The following MARK3 variants were observed in gnomAD, a reference collection of about 807,000 sequenced individuals.
The protein encoded by MARK3 is MAP/microtubule affinity-regulating kinase 3.
Under a neutral mutation model 90.1 loss-of-function variants are expected in MARK3, and 46 were observed. That is an observed-to-expected ratio of 0.51 (90% CI 0.40 to 0.65). The LOEUF (loss-of-function observed/expected upper bound fraction) is 0.65, where lower values mean the gene tolerates loss of function less well. Among genes scored for constraint, MARK3 ranks in the 30% least tolerant of loss-of-function variants. MARK3 has a pLI of 0.00. For synonymous variants in MARK3, 321 were observed against 332.6 expected, an observed-to-expected ratio of 0.97 and a Z score of 0.38; for missense variants, 818 against 947.2, an observed-to-expected ratio of 0.86 and a Z score of 1.79.
intron 1 of MARK3, among the ~76,000 whole-genome samples, chr14:103,397,377 A>T (rs2090647599): frequency 6.9e-6 from 1 of 144,086 alleles, no homozygotes; most frequent in South Asian, 2.2e-4. Context: ...CCCAGACTGG[A>T]GTGCAGTGGT....
chr14:103,427,360 G>A (rs1051087724), intron 2 of MARK3, among the ~76,000 whole-genome samples: 13 of 151,490 alleles, frequency 8.6e-5, no homozygotes, highest in African/African-American at 1.2e-4. Context: ...TTAGCCAGTC[G>A]TGGTGGTGCG....
intron 2 of MARK3, among the ~76,000 whole-genome samples, chr14:103,416,599 C>T (rs998806362): frequency 4.6e-5 from 7 of 152,124 alleles, no homozygotes; most frequent in Admixed American, 2.0e-4. Flanking sequence ...GGTGAAACCT[C>T]ATCTCTACTA....
intron 13 of MARK3, among the ~76,000 whole-genome samples, chr14:103,477,855 A>G (rs2093741638): frequency 6.6e-6 from 1 of 152,082 alleles, no homozygotes; most frequent in Non-Finnish European, 1.5e-5. Context: ...GCTGAGCGTG[A>G]TGATGCACAC....
At chr14:103,473,029 CTA>C (rs1041534788) in intron 12 of MARK3, among the ~76,000 whole-genome samples, 5 of 149,600 alleles carry the variant, frequency 3.3e-5, no homozygotes, top group African/African-American at 1.2e-4. Flanking sequence ...AAGGAACAAA[CTA>C]TGATGTGCAC....
Position 103,385,853 on chromosome 14 carries a change from G to C in MARK3, c.-177G>C. ...AGGGAGAGAATGAGCCCCGGGACCC[G>C]CCGGGGGACGGCCCGGGCCAGGCCC... On this transcript the variant is annotated 5_prime_UTR_variant, in exon 1 of 18. Transcript: ENST00000429436. 2 of 531,474 alleles carry C rather than the reference G, an allele frequency of 3.8e-6. No individual in the cohort carries two copies. The highest frequency in any genetic ancestry group is 3.2e-5 in the East Asian group (1 of 31,182). 32.9% of individuals were successfully genotyped at this position (531,474 alleles called of 1,614,324 possible).
At chr14:103,464,172 C>T (rs1222406462) in intron 7 of MARK3, among the ~76,000 whole-genome samples, 1 of 152,090 alleles carries the variant, frequency 6.6e-6, no homozygotes, top group Non-Finnish European at 1.5e-5. Context: ...AAACTGTGAG[C>T]TACTGAGGGT....
chr14:103,390,232 A>G (rs1156450075), intron 1 of MARK3, among the ~76,000 whole-genome samples: 1 of 152,182 alleles, frequency 6.6e-6, no homozygotes. Context: ...TGGGCGACAG[A>G]GTGAGACTCC....
In MARK3 at chr14:103,428,370, TTTA is replaced by T. The variant is rs1303896165; in HGVS notation, c.244-11_244-9del. On this transcript the variant is annotated splice_polypyrimidine_tract_variant and intron_variant, in intron 2 of 17. Transcript: ENST00000429436. ...ACTAAATTCTTAAAATCCATAAATA[TTTA>T]TTATTCTTTCTAGGTTGCAATAAAA... 3 of 1,293,238 alleles carry T rather than the reference TTTA, an allele frequency of 2.3e-6. No homozygotes were observed. Among genetic ancestry groups the T allele is most frequent in the South Asian group, 1.4e-5 (1 of 72,508 alleles). The allele number at this position is 1,293,238 out of a possible 1,614,324, so 80.1% of individuals were successfully genotyped here. A position where few individuals can be genotyped will look rare whatever the true frequency, so the allele number is the denominator to read the frequency against.
rs1297428051 is a variant in MARK3, at chr14:103,385,811, G to T, written c.-219G>T. On this transcript the variant is annotated 5_prime_UTR_variant, in exon 1 of 18. Coordinates refer to ENST00000429436, the MANE Select transcript of MARK3 (RefSeq NM_001128918.3). ...CCACTGCCGCCCTCCCGGTCTCCTC[G>T]CCTCGGCCGCCGAGGCAGGGAGAGA... 4 of 435,692 alleles carry T rather than the reference G, an allele frequency of 9.2e-6. No individual in the cohort carries two copies. Among genetic ancestry groups the T allele is most frequent in the Non-Finnish European group, 1.6e-5 (4 of 247,926 alleles). 27.0% of individuals were successfully genotyped at this position (435,692 alleles called of 1,614,324 possible). A position where few individuals can be genotyped will look rare whatever the true frequency, so the allele number is the denominator to read the frequency against.
intron 2 of MARK3, 51 bp downstream of exon 2, chr14:103,405,318 C>A: frequency 7.4e-7 from 1 of 1,349,134 alleles, no homozygotes; most frequent in Non-Finnish European, 1.0e-6. Flanking sequence ...CTGTTTATTT[C>A]CATGTAAGAG....
At chr14:103,497,673 T>A (rs2075422427) in intron 15 of MARK3, among the ~76,000 whole-genome samples, 1 of 152,188 alleles carries the variant, frequency 6.6e-6, no homozygotes, top group African/African-American at 2.4e-5. Flanking sequence ...AATCACCTAT[T>A]TTTTTCTTAA....
chr14:103,495,765 C>G (rs969742560), intron 15 of MARK3, among the ~76,000 whole-genome samples: 1 of 151,454 alleles, frequency 6.6e-6, no homozygotes, highest in African/African-American at 2.4e-5. Flanking sequence ...GGTCTGTTGT[C>G]TCCCTTAGTG....
rs566994149 is a variant in MARK3 at position 103,458,709 on chromosome 14, T to C, written c.483+1497T>C. 111 of 688,202 alleles carry C rather than the reference T, an allele frequency of 1.6e-4. No homozygotes were observed. In the East Asian group the frequency reaches 2.6e-3, roughly 16 times the overall value. The allele number at this position is 688,202 out of a possible 1,614,324, so 42.6% of individuals were successfully genotyped here. A position where few individuals can be genotyped will look rare whatever the true frequency, so the allele number is the denominator to read the frequency against. The stretch of plus-strand genomic sequence containing the variant: ...ATTTTTTCTTAGAACCTTTATATTT[T>C]GTTTTATTCATATACAGGGTTGTCA... On this transcript the variant is annotated intron_variant, in intron 6 of 17. Coordinates refer to ENST00000429436, the MANE Select transcript of MARK3 (RefSeq NM_001128918.3).
chr14:103,456,082 C>T (rs7155980), intron 5 of MARK3, among the ~76,000 whole-genome samples: 1 of 152,088 alleles, frequency 6.6e-6, no homozygotes, highest in African/African-American at 2.4e-5. Flanking sequence ...ACCTTTCTTC[C>T]CTAAATAATT....
At chr14:103,416,834 G>A (rs1819877050) in intron 2 of MARK3, among the ~76,000 whole-genome samples, 1 of 152,156 alleles carries the variant, frequency 6.6e-6, no homozygotes, top group Non-Finnish European at 1.5e-5. Flanking sequence ...GCCGGCATCA[G>A]TGCAGGTGAG....
intron 9 of MARK3, 111 bp from the exon 10 acceptor site, chr14:103,466,232 G>A (rs2093499590): frequency 1.5e-6 from 2 of 1,335,340 alleles, no homozygotes; most frequent in Non-Finnish European, 2.1e-6. Flanking sequence ...TATTTTTTGA[G>A]TTTATGCTTT....
intron 8 of MARK3, 61 bp downstream of exon 8, chr14:103,465,854 G>C (rs1278892128): frequency 1.3e-6 from 2 of 1,541,204 alleles, no homozygotes; most frequent in East Asian, 2.3e-5. Flanking sequence ...ATATTACATG[G>C]CTTAATATTT....
At chr14:103,475,301 G>A (rs1326493883) in intron 13 of MARK3, 91 bp downstream of exon 13, 7 of 1,025,746 alleles carry the variant, frequency 6.8e-6, no homozygotes, top group East Asian at 4.9e-5. Context: ...GTGGTCTCTC[G>A]TACTGGAATG....
At chr14:103,457,308 G>C (rs557592259) in intron 6 of MARK3, 96 bp downstream of exon 6, 1 of 890,510 alleles carries the variant, frequency 1.1e-6, no homozygotes, top group African/African-American at 1.7e-5. Context: ...TGCTTATAAG[G>C]CCTGTTGGAT....
Sources: gnomAD v4.1 joint callset for allele counts (sites outside exome capture counted in the v4.1 genomes callset) on GRCh38, gnomAD v4.1.1 for gene constraint, MANE v1.5 for transcripts, NCBI Gene and HGNC (gene_info 2026-07-23, HGNC 2026-07-21) for gene names.